CCNT1: variants seen among roughly 807,000 people sequenced by gnomAD.
CCNT1 encodes the protein cyclin T1.
A neutral mutation model predicts 67.3 loss-of-function variants in CCNT1; 18 were observed. The observed-to-expected ratio is 0.27, with a 90% CI of 0.18 to 0.40. The LOEUF (loss-of-function observed/expected upper bound fraction) is 0.40, where lower values mean the gene tolerates loss of function less well. CCNT1 is among the 10% of genes least tolerant of loss of function. The pLI is 1.00. For synonymous variants in CCNT1, 333 were observed against 310.3 expected (o/e 1.07, Z -0.77); for missense variants, 744 against 884.9 (o/e 0.84, Z 2.02).
chr12:48,700,474 G>C (rs1055075711), intron 4 of CCNT1, among the ~76,000 whole-genome samples: 1 of 151,516 alleles, frequency 6.6e-6, no homozygotes, highest in African/African-American at 2.4e-5. Context: ...ACCTAGAAGA[G>C]AAAAATGATA....
At chr12:48,697,853 A>ATATATATAT (rs1489598845) in intron 6 of CCNT1, 14 of 122,082 alleles carry the variant, frequency 1.1e-4, no homozygotes, top group African/African-American at 4.1e-4. Context: ...AAAAAAAAAA[A>ATATATATAT]AAATATATAT....
At position 48,693,299 on chromosome 12, in the gene CCNT1, G is replaced by A; in HGVS notation, c.1915C>T (p.Leu639=). The change falls in exon 9 of 9, where the codon CTG becomes TTG. Residue 639 remains leucine (L), a synonymous_variant. Coordinates refer to ENST00000261900, the MANE Select transcript of CCNT1 (RefSeq NM_001240.4). ...TTGGCCCCAGTGGGCCCTTTATCCA[G>A]TTTCGAATGAGGGACACGAGTTTTA... ...SCKTRVPHSK[L]DKGPTGANGH... 3 of 1,614,216 alleles carry A rather than the reference G, an allele frequency of 1.9e-6. No individual in the cohort carries two copies. The highest frequency in any genetic ancestry group is 2.5e-6 in the Non-Finnish European group (3 of 1,180,034).
chr12:48,693,869 G>A lies in CCNT1; in HGVS notation c.1345C>T (p.Arg449Trp), dbSNP rs1199624339. 28 of 1,613,950 alleles carry A rather than the reference G, an allele frequency of 1.7e-5. No individual in the cohort carries two copies. Among genetic ancestry groups the A allele is most frequent in the Non-Finnish European group, 2.3e-5 (27 of 1,179,950 alleles). ...MPIEGSENPE[R>W]PFLEKADKTA... is the part of the protein sequence containing the mutation. ...TTGTCAGCCTTTTCCAGAAAAGGCC[G>A]CTCGGGGTTTTCTGAACCCTCTATG... The change falls in exon 9 of 9, where the codon CGG (arginine) becomes TGG (tryptophan). Residue 449 changes from arginine to tryptophan, a missense_variant. Arg to Trp is a moderately radical substitution (Grantham distance 101). Around this residue, in one of 3 missense-constraint regions of CCNT1, gnomAD observed 564 missense variants for 574.2 expected, o/e 0.98. Coordinates refer to ENST00000261900, the MANE Select transcript of CCNT1 (RefSeq NM_001240.4).
chr12:48,704,046 T>C (rs1940315770), intron 3 of CCNT1, among the ~76,000 whole-genome samples: 3 of 152,186 alleles, frequency 2.0e-5, no homozygotes, highest in Admixed American at 2.0e-4. Context: ...TATCATTAAA[T>C]ACTAGCCAGA....
At position 48,689,207 on chromosome 12, in the gene CCNT1, C is replaced by T. The variant is rs561592476; in HGVS notation, c.*3826G>A. 3 of 152,230 alleles carry T rather than the reference C, an allele frequency of 2.0e-5. No homozygotes were observed. Among genetic ancestry groups the T allele is most frequent in the East Asian group, 3.9e-4 (2 of 5,184 alleles). 9.4% of individuals were successfully genotyped at this position (152,230 alleles called of 1,614,324 possible). ...AAGAGTAGACACTGCTTTTAGTAAA[C>T]GTCCTTTTTCTTTACCTCCCTTTTC... is the stretch of plus-strand genomic sequence containing the variant. On this transcript the variant is annotated 3_prime_UTR_variant, in exon 9 of 9. Coordinates refer to ENST00000261900, the MANE Select transcript of CCNT1 (RefSeq NM_001240.4).
In CCNT1 at chr12:48,694,232, T is replaced by A. The variant is rs775724017; in HGVS notation, c.982A>T (p.Met328Leu). 47 of 1,614,066 alleles carry A rather than the reference T, an allele frequency of 2.9e-5. No homozygotes were observed. Among genetic ancestry groups the A allele is most frequent in the Non-Finnish European group, 3.7e-5 (44 of 1,180,028 alleles). Residue 328 changes from methionine to leucine, a missense_variant, in exon 9 of 9, where the codon ATG (methionine) becomes TTG (leucine). Around this residue, in one of 3 missense-constraint regions of CCNT1, gnomAD observed 564 missense variants for 574.2 expected, o/e 0.98. Coordinates refer to ENST00000261900, the MANE Select transcript of CCNT1 (RefSeq NM_001240.4). ...ESSSNLTSVE[M>L]LPGKRWLSSQ... is the part of the protein sequence containing the mutation. Reference sequence around the variant, plus strand: ...GACAGCCAACGCTTGCCCGGCAACATCTCCACACTGGTTAAGTTGCTGGAT... The same window carrying A: ...GACAGCCAACGCTTGCCCGGCAACAACTCCACACTGGTTAAGTTGCTGGAT...
chr12:48,694,256 A>C lies in CCNT1; in HGVS notation c.958T>G (p.Ser320Ala). The part of the protein sequence containing the change: ...VPSLPVSEES[S>A]SNLTSVEMLP... ...ATCTCCACACTGGTTAAGTTGCTGG[A>C]TGACTCTTCGGAGACTGGCAGGGAA... The change falls in exon 9 of 9, where the codon TCC (serine) becomes GCC (alanine). Residue 320 changes from serine to alanine, a missense_variant. By Grantham distance (99) the Ser-to-Ala change is moderately conservative (BLOSUM62 1). Transcript: ENST00000261900. The C allele has an allele frequency of 6.2e-7, 1 of 1,614,206 alleles. No homozygotes were observed. The highest frequency in any genetic ancestry group is 8.5e-7 in the Non-Finnish European group (1 of 1,180,036).
rs1345057670 is a variant in CCNT1, at chr12:48,688,868, T to A, written c.*4165A>T. 6.6e-6 allele frequency: 1 copy of A among 151,948 alleles called. No individual in the cohort carries two copies. The highest frequency in any genetic ancestry group is 2.4e-5 in the African/African-American group (1 of 41,378). 9.4% of individuals were successfully genotyped at this position (151,948 alleles called of 1,614,324 possible). On this transcript the variant is annotated 3_prime_UTR_variant, in exon 9 of 9. Coordinates refer to ENST00000261900, the MANE Select transcript of CCNT1 (RefSeq NM_001240.4). ...AGAAAAGAGTTTTAGGTGTGTGAAG[T>A]AGGGTGGGAAAAAAGGTCAGTTTCA...
intron 7 of CCNT1, 42 bp downstream of exon 7, chr12:48,695,957 C>G (rs1159026094): frequency 6.2e-7 from 1 of 1,608,202 alleles, no homozygotes; most frequent in Non-Finnish European, 8.5e-7. Flanking sequence ...TGTGACAGAT[C>G]AACAGCAAGT....
chr12:48,704,620 C>G (rs147948558), intron 3 of CCNT1, among the ~76,000 whole-genome samples: 2,579 of 152,282 alleles, frequency 0.017, 71 homozygotes, highest in African/African-American at 0.058. Flanking sequence ...ACCATTCTGG[C>G]TAACATGGTG....
chr12:48,698,021 A>G (rs1451121746), intron 6 of CCNT1, 117 bp downstream of exon 6: 7 of 589,702 alleles, frequency 1.2e-5, no homozygotes, highest in South Asian at 1.1e-4. Flanking sequence ...AAAGTACAAC[A>G]TGAAAACTGT....
At chr12:48,711,432 T>C (rs556248917) in intron 2 of CCNT1, among the ~76,000 whole-genome samples, 198 of 151,932 alleles carry the variant, frequency 1.3e-3, no homozygotes, top group African/African-American at 4.5e-3. Flanking sequence ...GAGGGGAAAA[T>C]ATATATTAAC....
At position 48,694,381 on chromosome 12, in the gene CCNT1, G is replaced by C. The variant is rs1940137244; in HGVS notation, c.833C>G (p.Thr278Ser). The C allele has an allele frequency of 6.2e-7, 1 of 1,614,232 alleles. No individual in the cohort carries two copies. The highest frequency in any genetic ancestry group is 8.5e-7 in the Non-Finnish European group (1 of 1,180,040). The change falls in exon 9 of 9, where the codon ACT becomes AGT. Residue 278 changes from threonine to serine, a missense_variant. Transcript: ENST00000261900. ...CATATTGAGGATTGTCTGCTCTGAA[G>C]TCTTTTCATCTGTTCCTCGGTCATC... ...KADDRGTDEK[T>S]SEQTILNMIS...
At chr12:48,700,180 G>A (rs1315478108) in intron 4 of CCNT1, among the ~76,000 whole-genome samples, 1 of 151,956 alleles carries the variant, frequency 6.6e-6, no homozygotes, top group Non-Finnish European at 1.5e-5. Flanking sequence ...TTAGCTGGGC[G>A]TGGTGGCGGG....
intron 3 of CCNT1, among the ~76,000 whole-genome samples, chr12:48,701,520 T>G (rs913044793): frequency 2.0e-5 from 3 of 152,132 alleles, no homozygotes; most frequent in Non-Finnish European, 2.9e-5. Flanking sequence ...GCACCATATA[T>G]TTGGTTCATT....
intron 2 of CCNT1, among the ~76,000 whole-genome samples, chr12:48,712,615 A>G (rs865997637): frequency 2.1e-5 from 3 of 142,506 alleles, no homozygotes; most frequent in Middle Eastern, 3.7e-3. Flanking sequence ...AAAAAAAAAA[A>G]AAAGCAGGGA....
rs1226592486 is a variant in CCNT1, at chr12:48,688,841, C to A, written c.*4192G>T. The A allele has an allele frequency of 1.3e-5, 2 of 151,152 alleles. No homozygotes were observed. Among genetic ancestry groups the A allele is most frequent in the African/African-American group, 4.9e-5 (2 of 41,220 alleles). 9.4% of individuals were successfully genotyped at this position (151,152 alleles called of 1,614,324 possible). On this transcript the variant is annotated 3_prime_UTR_variant, in exon 9 of 9. Coordinates refer to ENST00000261900, the MANE Select transcript of CCNT1 (RefSeq NM_001240.4). Reference sequence around the variant, plus strand: ...TTTTTCTTTTCGCTCTTTGGTCTGACAAGAAAAGAGTTTTAGGTGTGTGAA... The same window carrying A: ...TTTTTCTTTTCGCTCTTTGGTCTGAAAAGAAAAGAGTTTTAGGTGTGTGAA...
intron 2 of CCNT1, among the ~76,000 whole-genome samples, chr12:48,707,362 C>A (rs1029821500): frequency 6.7e-6 from 1 of 150,106 alleles, no homozygotes; most frequent in Non-Finnish European, 1.5e-5. Context: ...AATCACAGTT[C>A]CACTCAACCT....
At chr12:48,709,477 C>G (rs1940415162) in intron 2 of CCNT1, among the ~76,000 whole-genome samples, 1 of 152,148 alleles carries the variant, frequency 6.6e-6, no homozygotes, top group African/African-American at 2.4e-5. Context: ...TATATATGTA[C>G]AAGACTATCC....
Sources: allele counts gnomAD v4.1 joint callset (sites outside exome capture counted in the v4.1 genomes callset), GRCh38; gene constraint gnomAD v4.1.1; regional missense constraint gnomAD v4.1.1; transcripts MANE v1.5; gene names NCBI Gene and HGNC (gene_info 2026-07-23, HGNC 2026-07-21).